Variants in MYH14 observed in about 807,000 individuals in gnomAD.
The protein encoded by MYH14 is myosin-14.
A neutral mutation model predicts 255.5 loss-of-function variants in MYH14; 123 were observed. That is an observed-to-expected ratio of 0.48 (90% CI 0.42 to 0.56). MYH14 has a LOEUF of 0.56. Among genes scored for constraint, MYH14 ranks in the 20% least tolerant of loss-of-function variants. The pLI is 0.00. For synonymous variants in MYH14, 1,095 were observed against 1,161.2 expected (o/e 0.94, Z 1.16); for missense variants, 2,423 against 2,802.3 (o/e 0.86, Z 3.06).
intron 40 of MYH14, among the ~76,000 whole-genome samples, chr19:50,304,620 C>G (rs2036597288): frequency 6.6e-6 from 1 of 152,100 alleles, no homozygotes; most frequent in Non-Finnish European, 1.5e-5. Context: ...GTTTACCTTC[C>G]CATGTGCTGG....
chr19:50,251,545 C>CT (rs1393233518), intron 15 of MYH14, among the ~76,000 whole-genome samples: 40 of 135,886 alleles, frequency 2.9e-4, no homozygotes, highest in African/African-American at 1.1e-3. Flanking sequence ...CACACACACA[C>CT]ACACACACAC....
intron 7 of MYH14, 122 bp from the exon 8 acceptor site, chr19:50,226,781 G>A: frequency 1.2e-6 from 1 of 865,218 alleles, no homozygotes. Context: ...GGTAGAGGGA[G>A]CAAGGAAGTG....
chr19:50,227,073 AGATGGGACCT>A, intron 8 of MYH14, 107 bp downstream of exon 8: 2 of 664,928 alleles, frequency 3.0e-6, no homozygotes, highest in Non-Finnish European at 5.1e-6. Context: ...CCTGCTACTC[AGATGGGACCT>A]GATGCTCAGG....
rs574429177 is a variant in MYH14, at chr19:50,260,846, CGTGT to C, written c.2424+139_2424+142del. 1.7e-3 allele frequency: 1,199 copies of C among 696,912 alleles called. 16 individuals are homozygous for C. The African/African-American group carries it at 0.019, about 11-fold the overall frequency. 43.2% of individuals were successfully genotyped at this position (696,912 alleles called of 1,614,324 possible). A position where few individuals can be genotyped will look rare whatever the true frequency, so the allele number is the denominator to read the frequency against. On this transcript the variant is annotated intron_variant, in intron 20 of 42. Transcript: ENST00000642316. ...AAGTGTGTGTGCATGCACGTGTGTGCGTGTGTGTGTGCATGCATATGTGTGCATG... is the reference window on the plus strand; with the variant it reads ...AAGTGTGTGTGCATGCACGTGTGTGCGTGTGTGCATGCATATGTGTGCATG...
At chr19:50,255,126 A>T in intron 16 of MYH14, 94 bp from the exon 17 acceptor site, 2 of 732,700 alleles carry the variant, frequency 2.7e-6, no homozygotes, top group South Asian at 1.5e-5. Flanking sequence ...TCTTCCTGCC[A>T]CCTCCTCTCC....
intron 18 of MYH14, 124 bp from the exon 19 acceptor site, chr19:50,259,020 C>G (rs1003895053): frequency 7.5e-7 from 1 of 1,327,266 alleles, no homozygotes; most frequent in Non-Finnish European, 1.0e-6. Flanking sequence ...GGCCTAGAAC[C>G]GTTCCTAGGC....
chr19:50,210,341 C>A, intron 1 of MYH14, 22 bp from the exon 2 acceptor site: 1 of 1,569,912 alleles, frequency 6.4e-7, no homozygotes, highest in East Asian at 2.4e-5. Flanking sequence ...CTGACCCCCA[C>A]CCTCTTTCTT....
chr19:50,208,522 G>C (rs893328934), intron 1 of MYH14, among the ~76,000 whole-genome samples: 1 of 151,980 alleles, frequency 6.6e-6, no homozygotes, highest in Non-Finnish European at 1.5e-5. Context: ...AAAAGAGAGA[G>C]AGAATTTTTA....
At chr19:50,238,049 G>A (rs904501658) in intron 10 of MYH14, among the ~76,000 whole-genome samples, 1 of 152,224 alleles carries the variant, frequency 6.6e-6, no homozygotes, top group Non-Finnish European at 1.5e-5. Context: ...GGCCAATCAA[G>A]GCAGGGTGTC....
intron 11 of MYH14, among the ~76,000 whole-genome samples, chr19:50,246,121 T>TTCCTTCCTTCCTTCCC (rs2034115063): frequency 1.7e-5 from 2 of 119,290 alleles, no homozygotes; most frequent in Admixed American, 2.0e-4. Context: ...TCTTCCTTCC[T>TTCCTTCCTTCCTTCCC]TCCTTCCTTC....
rs1336100675 is a variant in MYH14, at chr19:50,278,184, G to C, written c.3927G>C (p.Glu1309Asp). Residue 1309 changes from glutamate to aspartate, a missense_variant, in exon 30 of 43, where the codon GAG becomes GAC. By Grantham distance (45) the Glu-to-Asp change is conservative (BLOSUM62 2). Coordinates refer to ENST00000642316, the MANE Select transcript of MYH14 (RefSeq NM_001145809.2). ...SSLQTARQEG[E>D]QRRRRLELQL... ...TGCAGACTGCACGTCAGGAGGGTGA[G>C]CAGCGGAGGCGCCGCCTGGAGTTAC... The C allele has an allele frequency of 2.5e-6, 4 of 1,612,246 alleles. No individual in the cohort carries two copies. The highest frequency in any genetic ancestry group is 1.7e-6 in the Non-Finnish European group (2 of 1,179,224).
chr19:50,278,847 G>GC (rs757337089), intron 30 of MYH14, among the ~76,000 whole-genome samples: 14 of 151,616 alleles, frequency 9.2e-5, no homozygotes, highest in Non-Finnish European at 1.6e-4. Flanking sequence ...AATTAGCCGG[G>GC]CGTGATGGCG....
intron 40 of MYH14, 76 bp from the exon 41 acceptor site, chr19:50,306,973 C>A (rs2036673134): frequency 2.9e-6 from 3 of 1,038,226 alleles, no homozygotes; most frequent in Admixed American, 2.0e-5. Flanking sequence ...AAGGTGACAG[C>A]CACTGCATGA....
chr19:50,299,827 C>G (rs1464334360), intron 39 of MYH14, among the ~76,000 whole-genome samples: 1 of 151,782 alleles, frequency 6.6e-6, no homozygotes, highest in Non-Finnish European at 1.5e-5. Flanking sequence ...TGCCTGTAAT[C>G]CCAGCTACTC....
intron 10 of MYH14, 94 bp from the exon 11 acceptor site, chr19:50,244,148 G>T: frequency 9.8e-7 from 1 of 1,022,732 alleles, no homozygotes; most frequent in Non-Finnish European, 1.5e-6. Context: ...GATATAATTT[G>T]CCTTAAGCTT....
At position 50,276,246 on chromosome 19, in the gene MYH14, C is replaced by A; in HGVS notation, c.3680+43C>A. The A allele has an allele frequency of 7.2e-7, 1 of 1,391,582 alleles. No individual in the cohort carries two copies. The highest frequency in any genetic ancestry group is 9.7e-7 in the Non-Finnish European group (1 of 1,029,640). 86.2% of individuals were successfully genotyped at this position (1,391,582 alleles called of 1,614,324 possible). A position where few individuals can be genotyped will look rare whatever the true frequency, so the allele number is the denominator to read the frequency against. On this transcript the variant is annotated intron_variant, in intron 28 of 42. Coordinates refer to ENST00000642316, the MANE Select transcript of MYH14 (RefSeq NM_001145809.2). This position sits in a 1 kb window ranked among gnomAD's most constrained non-coding sequence, Gnocchi z 4.3. ...GCCGCTGTCACAGCCTGTGCACATACAGGGCTGGGGGAAGGACTTAGGTAC... is the reference window on the plus strand; with the variant it reads ...GCCGCTGTCACAGCCTGTGCACATAAAGGGCTGGGGGAAGGACTTAGGTAC...
In MYH14 at chr19:50,290,939, C is replaced by A; in HGVS notation, c.5018C>A (p.Ala1673Asp). ...GAGGAGCGGAAGCAGCGCACTCTGGCCGTGGCTGCCCGCAAGAAGCTGGAG... is the reference window on the plus strand; with the variant it reads ...GAGGAGCGGAAGCAGCGCACTCTGGACGTGGCTGCCCGCAAGAAGCTGGAG... ...RDEERKQRTL[A>D]VAARKKLEGE... is the part of the protein sequence containing the mutation. Residue 1673 changes from alanine to aspartate, a missense_variant, in exon 36 of 43, where the codon GCC becomes GAC. Physicochemically the swap from Ala to Asp is moderately radical, Grantham distance 126 (BLOSUM62 -2). This residue lies in a region of MYH14 where 1,513 missense variants were observed against 1,674.8 expected (regional missense o/e 0.90). Transcript: ENST00000642316. 1 of 1,591,602 alleles carries A rather than the reference C, an allele frequency of 6.3e-7. No individual in the cohort carries two copies. The highest frequency in any genetic ancestry group is 8.5e-7 in the Non-Finnish European group (1 of 1,169,784).
In MYH14 at chr19:50,249,039, G is replaced by T. The variant is rs370353590; in HGVS notation, c.1382G>T (p.Arg461Leu). ...AAGGCCACCTACGAGCGCCTCTTCC[G>T]CTGGCTGGTTCTGCGCCTCAACCGG... Reference protein sequence around the residue: ...LAKATYERLFRWLVLRLNRAL... With the variant: ...LAKATYERLFLWLVLRLNRAL... The change falls in exon 13 of 43, where the codon CGC becomes CTC. Residue 461 changes from arginine to leucine, a missense_variant. Physicochemically the swap from Arg to Leu is moderately radical, Grantham distance 102. Transcript: ENST00000642316. 114 of 1,613,176 alleles carry T rather than the reference G, an allele frequency of 7.1e-5. No individual in the cohort carries two copies. The highest frequency in any genetic ancestry group is 1.6e-4 in the Middle Eastern group (1 of 6,084).
At chr19:50,260,769 G>C (rs1488968564) in intron 20 of MYH14, 54 bp downstream of exon 20, 1 of 1,269,972 alleles carries the variant, frequency 7.9e-7, no homozygotes, top group Non-Finnish European at 1.1e-6. Context: ...GTGCGTGCAT[G>C]AGTGTGCGTG....
Sources: gnomAD v4.1 joint callset for allele counts (sites outside exome capture counted in the v4.1 genomes callset) on GRCh38, gnomAD v4.1.1 for gene constraint, gnomAD v4.1.1 regional missense constraint, Gnocchi (gnomAD v3.1) non-coding constraint, MANE v1.5 for transcripts, NCBI Gene and HGNC (gene_info 2026-07-23, HGNC 2026-07-21) for gene names.